Variants in ARFGEF1 observed in about 807,000 individuals in gnomAD.
ARFGEF1 encodes the protein brefeldin A-inhibited guanine nucleotide-exchange protein 1.
Under a neutral mutation model 231.0 loss-of-function variants are expected in ARFGEF1, and 42 were observed. The ratio of observed to expected loss-of-function variants is 0.18; its 90% CI spans 0.14 to 0.24. The LOEUF is 0.24. Ranked by LOEUF, ARFGEF1 falls within the 10% of genes least tolerant of loss-of-function variation. ARFGEF1 has a pLI of 1.00. For synonymous variants in ARFGEF1, 710 were observed against 732.3 expected, an observed-to-expected ratio of 0.97 and a Z score of 0.49; for missense variants, 1,345 against 2,192.0, an observed-to-expected ratio of 0.61 and a Z score of 7.72.
intron 33 of ARFGEF1, among the ~76,000 whole-genome samples, chr8:67,212,244 G>A (rs181683704): frequency 4.5e-4 from 69 of 152,098 alleles, no homozygotes; most frequent in Non-Finnish European, 4.1e-4. Flanking sequence ...CACCATGCCC[G>A]GCTCATTTTG....
chr8:67,273,037 G>T (rs998365095), intron 9 of ARFGEF1, among the ~76,000 whole-genome samples: 1 of 152,084 alleles, frequency 6.6e-6, no homozygotes, highest in Non-Finnish European at 1.5e-5. Context: ...AACCTGGGAG[G>T]TGGAGGTTGC....
intron 29 of ARFGEF1, among the ~76,000 whole-genome samples, chr8:67,221,786 T>C (rs1319815156): frequency 6.6e-6 from 1 of 151,728 alleles, no homozygotes; most frequent in Non-Finnish European, 1.5e-5. Flanking sequence ...GTAAGTGCCC[T>C]ATATGGGTTT....
chr8:67,175,482 T>C, downstream of ARFGEF1: 2 of 1,607,564 alleles, frequency 1.2e-6, no homozygotes, highest in Non-Finnish European at 1.7e-6. Context: ...GCACGCTGTT[T>C]TTCCGTAGGC....
intron 5 of ARFGEF1, among the ~76,000 whole-genome samples, chr8:67,189,963 T>C (rs1178117153): frequency 6.6e-6 from 1 of 152,164 alleles, no homozygotes; most frequent in Non-Finnish European, 1.5e-5. Flanking sequence ...TACCAAGTGT[T>C]GGTGAGGATG....
chr8:67,211,242 G>T (rs1438340218), intron 34 of ARFGEF1, among the ~76,000 whole-genome samples: 6 of 151,174 alleles, frequency 4.0e-5, no homozygotes, highest in Non-Finnish European at 8.8e-5. Flanking sequence ...TACCCGGGAG[G>T]CTGAGGCAGA....
intron 23 of ARFGEF1, among the ~76,000 whole-genome samples, chr8:67,232,498 G>A (rs1839586333): frequency 6.6e-6 from 1 of 151,936 alleles, no homozygotes; most frequent in Non-Finnish European, 1.5e-5. Flanking sequence ...AGTCTATATT[G>A]TGGACCCAGA....
chr8:67,190,705 A>G, intron 5 of ARFGEF1: 1 of 1,614,096 alleles, frequency 6.2e-7, no homozygotes, highest in Non-Finnish European at 8.5e-7. Context: ...CTCCACCATC[A>G]CAGTTGCCCT....
intron 5 of ARFGEF1, among the ~76,000 whole-genome samples, chr8:67,187,764 C>T (rs906751307): frequency 2.0e-4 from 31 of 152,084 alleles, no homozygotes; most frequent in African/African-American, 3.4e-4. Flanking sequence ...GACAAAGGAC[C>T]AAAGGCAGTA....
At chr8:67,286,067 G>A (rs964818641) in intron 7 of ARFGEF1, among the ~76,000 whole-genome samples, 3 of 152,128 alleles carry the variant, frequency 2.0e-5, no homozygotes, top group African/African-American at 4.8e-5. Context: ...TCTTGAAATC[G>A]TGTTAATTTC....
chr8:67,315,034 C>T (rs568653983), intron 1 of ARFGEF1, among the ~76,000 whole-genome samples: 1 of 152,146 alleles, frequency 6.6e-6, no homozygotes, highest in East Asian at 1.9e-4. Flanking sequence ...AAAAAGAAAA[C>T]ACACATACCC....
chr8:67,318,586 G>T (rs1807437196), intron 1 of ARFGEF1, among the ~76,000 whole-genome samples: 1 of 152,096 alleles, frequency 6.6e-6, no homozygotes, highest in Non-Finnish European at 1.5e-5. Context: ...AAAACTCTAA[G>T]AACTCATAAA....
At chr8:67,332,664 TTC>T (rs1221249001) in intron 1 of ARFGEF1, among the ~76,000 whole-genome samples, 1 of 152,238 alleles carries the variant, frequency 6.6e-6, no homozygotes, top group Admixed American at 6.5e-5. Context: ...ATGGCCCTTT[TTC>T]TCTTTTTGAC....
chr8:67,337,326 T>C lies in ARFGEF1; in HGVS notation c.124+5838A>G, dbSNP rs142181842. Among the ~76,000 whole-genome samples the C allele has an allele frequency of 1.2e-4, 18 of 152,276 alleles. No individual in the cohort carries two copies. The East Asian group carries it at 1.9e-3, about 16-fold the overall frequency. On this transcript the variant is annotated intron_variant, in intron 1 of 38. Coordinates refer to ENST00000262215, the MANE Select transcript of ARFGEF1 (RefSeq NM_006421.5). ...GCTTTTTCTATCCTAGTGTCCCCCA[T>C]TGAGGTGAATGCCATCTTCCTCTAC...
rs1446937196 is a variant in ARFGEF1, at chr8:67,179,842, AT to A, written c.561-4271del. The A allele has an allele frequency of 5.2e-6, 8 of 1,545,944 alleles. No homozygotes were observed. In the African/African-American group the frequency reaches 1.1e-4, roughly 21 times the overall value. On this transcript the variant is annotated intron_variant, in intron 5 of 5. Coordinates refer to the ARFGEF1 transcript ENST00000518789. ...GTACACAAAACTAATAAAAATAGTC[AT>A]TGAAACATGTTTCTTTTAGCCCAGA... is the stretch of plus-strand genomic sequence containing the variant.
At chr8:67,311,289 G>T (rs1338577633) in intron 1 of ARFGEF1, among the ~76,000 whole-genome samples, 1 of 134,926 alleles carries the variant, frequency 7.4e-6, no homozygotes, top group African/African-American at 2.8e-5. Flanking sequence ...AGGGAGGTGG[G>T]GGGGGTCAGC....
At chr8:67,229,058 T>C (rs886930010) in intron 23 of ARFGEF1, among the ~76,000 whole-genome samples, 1 of 152,068 alleles carries the variant, frequency 6.6e-6, no homozygotes, top group African/African-American at 2.4e-5. Flanking sequence ...ACAGTAGTCA[T>C]AGCAGTAACA....
At chr8:67,175,503 T>A in exon 6 of ARFGEF1, 1 of 1,571,156 alleles carries the variant, frequency 6.4e-7, no homozygotes, top group Middle Eastern at 1.7e-4. Flanking sequence ...TTTCTGCATC[T>A]CTTCTATTGA....
At chr8:67,246,497 C>T (rs1045283442) in intron 19 of ARFGEF1, among the ~76,000 whole-genome samples, 1 of 150,170 alleles carries the variant, frequency 6.7e-6, no homozygotes, top group Non-Finnish European at 1.5e-5. Flanking sequence ...AGAATATGCT[C>T]CTGAATGACC....
intron 14 of ARFGEF1, among the ~76,000 whole-genome samples, chr8:67,261,830 C>CTTT (rs34170422): frequency 8.5e-6 from 1 of 117,998 alleles, no homozygotes; most frequent in African/African-American, 3.0e-5. Context: ...AATTTCAAGT[C>CTTT]TTTTTTTTTT....
Sources: gnomAD v4.1 joint callset for allele counts (sites outside exome capture counted in the v4.1 genomes callset) on GRCh38, gnomAD v4.1.1 for gene constraint, MANE v1.5 for transcripts, NCBI Gene and HGNC (gene_info 2026-07-23, HGNC 2026-07-21) for gene names.